The following FNIP2 variants were observed in gnomAD, a reference collection of about 807,000 sequenced individuals.
The protein encoded by FNIP2 is folliculin-interacting protein 2.
A neutral mutation model predicts 108.7 loss-of-function variants in FNIP2; 32 were observed. The ratio of observed to expected loss-of-function variants is 0.29; its 90% confidence interval spans 0.22 to 0.40. FNIP2 has a LOEUF of 0.40. Ranked by LOEUF, FNIP2 falls within the 10% of genes least tolerant of loss-of-function variation. The pLI is 1.00. For missense variants in FNIP2, 1,202 were observed against 1,381.6 expected (o/e 0.87, Z 2.06); for synonymous variants, 480 against 496.7 (o/e 0.97, Z 0.45).
At chr4:158,881,325 TCGTCTCCCTCTCCCTCTCTTTC>T (rs1781590014) in intron 14 of FNIP2, among the ~76,000 whole-genome samples, 2 of 121,920 alleles carry the variant, frequency 1.6e-5, no homozygotes, top group Admixed American at 8.2e-5. Context: ...TTCCACCGTC[TCGTCTCCCTCTCCCTCTCTTTC>T]CACGGTCTCC....
At chr4:158,860,367 A>G (rs1460879811) in intron 10 of FNIP2, among the ~76,000 whole-genome samples, 1 of 152,242 alleles carries the variant, frequency 6.6e-6, no homozygotes, top group Non-Finnish European at 1.5e-5. Context: ...TATGATGCTT[A>G]AAGTATATGC....
chr4:158,883,550 GT>G (rs1267725974), intron 14 of FNIP2, among the ~76,000 whole-genome samples: 1 of 152,154 alleles, frequency 6.6e-6, no homozygotes, highest in African/African-American at 2.4e-5. Context: ...CTCCCTTTGT[GT>G]TTTAAAGAGG....
chr4:158,838,702 GT>G lies in FNIP2; in HGVS notation c.727+3228del, dbSNP rs201342669. ...CATCTTATATTAGTATGGTATATTT[GT>G]TACAATTAATGAACCAATGCTGATA... On this transcript the variant is annotated intron_variant, in intron 7 of 16. Transcript: ENST00000264433. 2.6e-4 allele frequency among the ~76,000 whole-genome samples: 39 copies of G among 152,258 alleles called. No homozygotes were observed. The East Asian group carries it at 7.5e-3, about 29-fold the overall frequency.
intron 1 of FNIP2, chr4:158,805,957 C>A: frequency 4.4e-6 from 1 of 227,124 alleles, no homozygotes; most frequent in Non-Finnish European, 8.2e-6. Flanking sequence ...GGATTGCAGA[C>A]AGCGTGTTTT....
At position 158,891,481 on chromosome 4, in the gene FNIP2, C is replaced by G. The variant is rs1159424604; in HGVS notation, c.2985C>G (p.Val995=). Residue 995 remains valine, a synonymous_variant, in exon 15 of 17, where the codon GTC becomes GTG. Transcript: ENST00000264433. The part of the protein sequence containing the change: ...PVLDEPIAEA[V]CIIADTDKWS... ...TGGATGAGCCAATAGCTGAAGCTGT[C>G]TGTATTATCGCAGACACGGATAAAT... The G allele has an allele frequency of 3.7e-6, 6 of 1,606,554 alleles. No individual in the cohort carries two copies. The highest frequency in any genetic ancestry group is 5.1e-6 in the Non-Finnish European group (6 of 1,176,314).
rs776888878 is a variant in FNIP2 at position 158,832,058 on chromosome 4, C to T, written c.483-9C>T. 94 of 1,612,390 alleles carry T rather than the reference C, an allele frequency of 5.8e-5. No individual in the cohort carries two copies. Among genetic ancestry groups the T allele is most frequent in the Middle Eastern group, 4.9e-4 (3 of 6,070 alleles). ...TTATTTTTCCCCTCTCCTTTTTTCC[C>T]CTCCACAGTTCTCCTCCACAACTGA... On this transcript the variant is annotated splice_polypyrimidine_tract_variant and intron_variant, in intron 4 of 16. Coordinates refer to ENST00000264433, the MANE Select transcript of FNIP2 (RefSeq NM_020840.3).
chr4:158,840,638 C>G (rs1193473016), intron 7 of FNIP2, among the ~76,000 whole-genome samples: 1 of 152,160 alleles, frequency 6.6e-6, no homozygotes, highest in East Asian at 1.9e-4. Context: ...TCAGGTGATT[C>G]ACCCACCTCA....
intron 16 of FNIP2, 58 bp from the exon 17 acceptor site, chr4:158,904,408 C>A: frequency 7.2e-7 from 1 of 1,392,104 alleles, no homozygotes; most frequent in Non-Finnish European, 1.0e-6. Flanking sequence ...AGAAATAATA[C>A]TTTCTCATAA....
intron 12 of FNIP2, among the ~76,000 whole-genome samples, chr4:158,866,218 A>ATTTTTTTTTT (rs1261545921): frequency 1.5e-3 from 19 of 12,354 alleles, no homozygotes; most frequent in African/African-American, 2.1e-3. Flanking sequence ...TATTCTGGTT[A>ATTTTTTTTTT]TTCTTTTTTT....
At chr4:158,879,875 A>T (rs1037717639) in intron 14 of FNIP2, among the ~76,000 whole-genome samples, 13 of 150,432 alleles carry the variant, frequency 8.6e-5, no homozygotes, top group Non-Finnish European at 1.6e-4. Context: ...GAGAAATGCA[A>T]ATCAAAACTA....
intron 7 of FNIP2, among the ~76,000 whole-genome samples, chr4:158,839,534 T>A (rs985874931): frequency 6.6e-6 from 1 of 152,016 alleles, no homozygotes; most frequent in African/African-American, 2.4e-5. Context: ...CCCAGAATTT[T>A]TTTTTTTCTT....
At position 158,778,967 on chromosome 4, in the gene FNIP2, C is replaced by T. The variant is rs537489355; in HGVS notation, c.107+9648C>T. On this transcript the variant is annotated intron_variant, in intron 1 of 16. Transcript: ENST00000264433. The stretch of plus-strand genomic sequence containing the variant: ...TCCAGAGAGGTTGCACCTGTTTATA[C>T]GCCTACTAACAGCATATGATAGCGG... Among the ~76,000 whole-genome samples the T allele has an allele frequency of 2.6e-4, 39 of 152,342 alleles. No homozygotes were observed. The South Asian group carries it at 6.4e-3, about 25-fold the overall frequency.
chr4:158,790,129 CA>C (rs746286602), intron 1 of FNIP2, among the ~76,000 whole-genome samples: 13 of 151,724 alleles, frequency 8.6e-5, no homozygotes, highest in Non-Finnish European at 1.8e-4. Flanking sequence ...ATGAAAGAAA[CA>C]TAAGTGAATT....
At chr4:158,773,962 A>G (rs1366024054) in intron 1 of FNIP2, among the ~76,000 whole-genome samples, 1 of 152,242 alleles carries the variant, frequency 6.6e-6, no homozygotes, top group Non-Finnish European at 1.5e-5. Context: ...TGATATAGTC[A>G]CACAATGGAT....
rs187821422 is a variant in FNIP2 at position 158,806,399 on chromosome 4, C to T, written c.108-19517C>T. 7.0e-6 allele frequency: 9 copies of T among 1,289,360 alleles called. No homozygotes were observed. The African/African-American group carries it at 1.4e-4, about 20-fold the overall frequency. 79.9% of individuals were successfully genotyped at this position (1,289,360 alleles called of 1,614,324 possible). On this transcript the variant is annotated intron_variant, in intron 1 of 16. Coordinates refer to ENST00000264433, the MANE Select transcript of FNIP2 (RefSeq NM_020840.3). ...AAACACACCGGAGTAGACAGGAGCA[C>T]TGACCACACGGAACTCGACAACAGG...
At chr4:158,836,449 G>A (rs529819853) in intron 7 of FNIP2, 2 of 152,186 alleles carry the variant, frequency 1.3e-5, no homozygotes, top group African/African-American at 2.4e-5. Context: ...TAAAATCGAT[G>A]TGTTTTGGTG....
intron 14 of FNIP2, among the ~76,000 whole-genome samples, chr4:158,881,271 G>A (rs1488050583): frequency 7.9e-6 from 1 of 126,828 alleles, no homozygotes; most frequent in African/African-American, 3.4e-5. Flanking sequence ...CTCTTTCCAC[G>A]TTCTCCCTCT....
intron 6 of FNIP2, chr4:158,835,133 G>GTT (rs918045740): frequency 6.0e-5 from 11 of 183,612 alleles, no homozygotes; most frequent in South Asian, 4.8e-4. Flanking sequence ...ATTATTCAGA[G>GTT]TTTTTTTTTT....
At chr4:158,781,709 G>C (rs1776053693) in intron 1 of FNIP2, among the ~76,000 whole-genome samples, 1 of 152,022 alleles carries the variant, frequency 6.6e-6, no homozygotes, top group Non-Finnish European at 1.5e-5. Flanking sequence ...TAGAGACGGG[G>C]TTTCAGCATG....
Sources: allele counts gnomAD v4.1 joint callset (sites outside exome capture counted in the v4.1 genomes callset), GRCh38; gene constraint gnomAD v4.1.1; transcripts MANE v1.5; gene names NCBI Gene and HGNC (gene_info 2026-07-23, HGNC 2026-07-21).